The following OXR1 variants were observed in gnomAD, a reference collection of about 807,000 sequenced individuals.
OXR1 encodes oxidation resistance protein 1.
OXR1 carries 41 observed loss-of-function variants against 104.6 expected under a neutral mutation model. The ratio of observed to expected loss-of-function variants is 0.39; its 90% CI spans 0.31 to 0.51. OXR1 has a LOEUF of 0.51. Among genes scored for constraint, OXR1 ranks in the 20% least tolerant of loss-of-function variants. The pLI is 0.77. For missense variants in OXR1, 955 were observed against 1,031.9 expected (o/e 0.93, Z 1.02); for synonymous variants, 348 against 348.4 (o/e 1.00, Z 0.01).
chr8:106,484,158 A>G (rs2129776063), intron 2 of OXR1, among the ~76,000 whole-genome samples: 1 of 152,254 alleles, frequency 6.6e-6, no homozygotes, highest in South Asian at 2.1e-4. Context: ...ACTGGGAGAA[A>G]ATATTTGCAA....
At chr8:106,747,273 T>C (rs1199510070) in intron 16 of OXR1, among the ~76,000 whole-genome samples, 1 of 152,226 alleles carries the variant, frequency 6.6e-6, no homozygotes, top group East Asian at 1.9e-4. Flanking sequence ...AAACCAGTTT[T>C]GTAGAGAGAT....
chr8:106,643,851 G>T (rs1396887097), intron 3 of OXR1, among the ~76,000 whole-genome samples: 4 of 152,072 alleles, frequency 2.6e-5, no homozygotes, highest in Non-Finnish European at 5.9e-5. Context: ...AAACACCAAG[G>T]CCCCGCTCAT....
In OXR1 at chr8:106,470,851, A is replaced by G. The variant is rs142776687; in HGVS notation, c.24-48092A>G. Among the ~76,000 whole-genome samples, 174 of 151,840 alleles carry G rather than the reference A, an allele frequency of 1.1e-3. 1 individual carries two copies. Among genetic ancestry groups the G allele is most frequent in the African/African-American group, 4.0e-3 (165 of 41,504 alleles). ...GAAGGAAGGGTATGAAGGAAGAGGG[A>G]CTGATAAACTGTGCCATCTGCTAAG... On this transcript the variant is annotated intron_variant, in intron 2 of 16. Transcript: ENST00000517566.
At chr8:106,278,782 A>G (rs929962863) in intron 1 of OXR1, among the ~76,000 whole-genome samples, 8 of 152,156 alleles carry the variant, frequency 5.3e-5, no homozygotes, top group Non-Finnish European at 8.8e-5. Flanking sequence ...CATTCATCCA[A>G]TGGTTTAGTC....
intron 3 of OXR1, among the ~76,000 whole-genome samples, chr8:106,527,867 A>G (rs1213775607): frequency 6.6e-6 from 1 of 152,220 alleles, no homozygotes; most frequent in African/African-American, 2.4e-5. Flanking sequence ...TAAAATGGCC[A>G]GTGGTAAAGA....
At chr8:106,368,655 TG>T (rs1276834263) in intron 2 of OXR1, among the ~76,000 whole-genome samples, 2 of 152,142 alleles carry the variant, frequency 1.3e-5, no homozygotes, top group East Asian at 3.9e-4. Flanking sequence ...ACACGGTGTT[TG>T]GTTTTCTGTT....
chr8:106,740,257 G>T, intron 13 of OXR1, 86 bp from the exon 14 acceptor site: 1 of 903,166 alleles, frequency 1.1e-6, no homozygotes, highest in South Asian at 1.7e-5. Flanking sequence ...ATATTATATA[G>T]GCACCATTAC....
At chr8:106,480,009 T>C (rs1222668024) in intron 2 of OXR1, among the ~76,000 whole-genome samples, 5 of 152,000 alleles carry the variant, frequency 3.3e-5, no homozygotes, top group Non-Finnish European at 1.5e-5. Context: ...ATAGTCAGTA[T>C]ATTACAAGCA....
At chr8:106,628,390 T>C (rs1166351657) in intron 3 of OXR1, among the ~76,000 whole-genome samples, 1 of 152,134 alleles carries the variant, frequency 6.6e-6, no homozygotes, top group African/African-American at 2.4e-5. Flanking sequence ...TGTAAATGCT[T>C]TTATAAACTC....
intron 3 of OXR1, among the ~76,000 whole-genome samples, chr8:106,601,084 T>C (rs1387478000): frequency 6.6e-6 from 1 of 152,070 alleles, no homozygotes; most frequent in Non-Finnish European, 1.5e-5. Flanking sequence ...TGTAAGAAAA[T>C]AGTGAGAAGC....
chr8:106,546,449 G>C (rs1184842817), intron 3 of OXR1, among the ~76,000 whole-genome samples: 1 of 152,202 alleles, frequency 6.6e-6, no homozygotes, highest in Non-Finnish European at 1.5e-5. Flanking sequence ...ATGTGTCTGA[G>C]ACAGGTCTCA....
intron 3 of OXR1, among the ~76,000 whole-genome samples, chr8:106,630,669 A>AG (rs1822601134): frequency 6.6e-6 from 1 of 152,236 alleles, no homozygotes; most frequent in Non-Finnish European, 1.5e-5. Flanking sequence ...GCAAAGAGGA[A>AG]GGTACAAGGA....
In OXR1 at chr8:106,706,753, A is replaced by C. The variant is rs1199663352; in HGVS notation, c.1232A>C (p.Lys411Thr). ...STNEVGTLCH[K>T]TDLNNLEMAI... is the part of the protein sequence containing the mutation. ...AATGAAGTTGGGACTTTATGTCATA[A>C]AACTGATTTAAATAATCTTGAAATG... Residue 411 changes from lysine to threonine, a missense_variant, in exon 9 of 17, where the codon AAA (lysine) becomes ACA (threonine). By Grantham distance (78) the Lys-to-Thr change is moderately conservative. Transcript: ENST00000517566. The C allele has an allele frequency of 7.4e-6, 12 of 1,612,366 alleles. No homozygotes were observed. The highest frequency in any genetic ancestry group is 8.5e-6 in the Non-Finnish European group (10 of 1,179,698).
At chr8:106,549,609 G>A (rs1032963155) in intron 3 of OXR1, among the ~76,000 whole-genome samples, 4 of 152,154 alleles carry the variant, frequency 2.6e-5, no homozygotes, top group African/African-American at 9.7e-5. Flanking sequence ...CAACAGAAAT[G>A]TATTTTTCAT....
intron 3 of OXR1, among the ~76,000 whole-genome samples, chr8:106,648,000 CTG>C (rs1380199333): frequency 6.6e-6 from 1 of 152,166 alleles, no homozygotes; most frequent in African/African-American, 2.4e-5. Flanking sequence ...TTCAATGTCT[CTG>C]TGTTTTCTCA....
chr8:106,752,422 T>C lies in OXR1; in HGVS notation c.*1481T>C, dbSNP rs951543422. On this transcript the variant is annotated 3_prime_UTR_variant, in exon 17 of 17. Transcript: ENST00000517566. ...TGCTAATGGAAAAGAAAATCTGATG[T>C]TCTATTATAATATGCTATTGCTGAA... 2.0e-5 allele frequency: 3 copies of C among 152,548 alleles called. No individual in the cohort carries two copies. The highest frequency in any genetic ancestry group is 7.2e-5 in the African/African-American group (3 of 41,456). The allele number at this position is 152,548 out of a possible 1,614,324, so 9.4% of individuals were successfully genotyped here. A position where few individuals can be genotyped will look rare whatever the true frequency, so the allele number is the denominator to read the frequency against.
At chr8:106,443,260 A>G (rs1419676942) in intron 2 of OXR1, among the ~76,000 whole-genome samples, 2 of 151,966 alleles carry the variant, frequency 1.3e-5, no homozygotes, top group African/African-American at 4.8e-5. Flanking sequence ...GCACTGTTGT[A>G]CTGAGAGACT....
intron 2 of OXR1, among the ~76,000 whole-genome samples, chr8:106,492,842 C>T (rs753660278): frequency 2.0e-5 from 3 of 152,196 alleles, no homozygotes; most frequent in East Asian, 1.9e-4. Context: ...AAGACTTCAA[C>T]GAACTTTCAC....
intron 16 of OXR1, among the ~76,000 whole-genome samples, chr8:106,749,756 T>G (rs2131610721): frequency 6.6e-6 from 1 of 152,336 alleles, no homozygotes; most frequent in Non-Finnish European, 1.5e-5. Context: ...GATATTATGT[T>G]AATTAATAGT....
Sources: gnomAD v4.1 joint callset for allele counts (sites outside exome capture counted in the v4.1 genomes callset) on GRCh38, gnomAD v4.1.1 for gene constraint, MANE v1.5 for transcripts, NCBI Gene and HGNC (gene_info 2026-07-23, HGNC 2026-07-21) for gene names.